SPTBN1: variants seen among roughly 807,000 people sequenced by gnomAD.
SPTBN1 encodes spectrin beta, non-erythrocytic 1.
SPTBN1 carries 32 observed loss-of-function variants against 266.4 expected under a neutral mutation model. The observed-to-expected ratio is 0.12, with a 90% CI of 0.09 to 0.16. The LOEUF (loss-of-function observed/expected upper bound fraction) is 0.16, where lower values mean the gene tolerates loss of function less well. Among genes scored for constraint, SPTBN1 ranks in the 10% least tolerant of loss-of-function variants. The pLI is 1.00. For missense variants in SPTBN1, 2,296 were observed against 3,067.1 expected (o/e 0.75, Z 5.94); for synonymous variants, 1,336 against 1,162.2 (o/e 1.15, Z -3.04).
intron 2 of SPTBN1, among the ~76,000 whole-genome samples, chr2:54,565,973 A>G (rs984017657): frequency 6.6e-6 from 1 of 152,166 alleles, no homozygotes; most frequent in African/African-American, 2.4e-5. Context: ...CTGGAAAATA[A>G]TGTGGACAGT....
At chr2:54,648,712 G>A (rs923753681) in intron 24 of SPTBN1, among the ~76,000 whole-genome samples, 14 of 152,192 alleles carry the variant, frequency 9.2e-5, no homozygotes, top group African/African-American at 3.4e-4. Context: ...ATTCACTGCA[G>A]CAGAATGAGG....
intron 26 of SPTBN1, 67 bp downstream of exon 26, chr2:54,650,056 G>GT: frequency 1.3e-6 from 2 of 1,524,514 alleles, no homozygotes; most frequent in Non-Finnish European, 1.8e-6. Flanking sequence ...TTGGGCATCT[G>GT]TAAGTATCTC....
At chr2:54,573,189 A>G (rs1674211313) in intron 2 of SPTBN1, among the ~76,000 whole-genome samples, 1 of 152,164 alleles carries the variant, frequency 6.6e-6, no homozygotes, top group African/African-American at 2.4e-5. Context: ...TGGAAGAGGA[A>G]AGTGATGCAC....
chr2:54,620,951 G>C (rs866462985), intron 7 of SPTBN1, among the ~76,000 whole-genome samples: 9 of 152,156 alleles, frequency 5.9e-5, no homozygotes, highest in African/African-American at 2.2e-4. Flanking sequence ...TTCAGGGCTG[G>C]TTATGTGACA....
rs767696985 is a variant in SPTBN1 at position 54,621,528 on chromosome 2, T to A, written c.876+16T>A. 1.9e-6 allele frequency: 3 copies of A among 1,600,360 alleles called. No homozygotes were observed. The South Asian group carries it at 3.3e-5, about 18-fold the overall frequency. ...AATTGGAAAGGTGAGCTGGTGCCAA[T>A]TTTGTGAGTTGTGAGACATAATTAA... On this transcript the variant is annotated intron_variant, in intron 8 of 35. Coordinates refer to ENST00000356805, the MANE Select transcript of SPTBN1 (RefSeq NM_003128.3).
intron 2 of SPTBN1, among the ~76,000 whole-genome samples, chr2:54,596,479 G>A (rs747105998): frequency 1.3e-5 from 2 of 152,188 alleles, no homozygotes; most frequent in African/African-American, 4.8e-5. Flanking sequence ...CCCCTCGTGT[G>A]TTATGAGGGT....
chr2:54,503,182 A>G (rs1669361959), intron 1 of SPTBN1, among the ~76,000 whole-genome samples: 1 of 152,228 alleles, frequency 6.6e-6, no homozygotes, highest in African/African-American at 2.4e-5. Context: ...GACACTGGTC[A>G]CTGGTGTCTC....
intron 3 of SPTBN1, 52 bp downstream of exon 3, chr2:54,599,295 G>A: frequency 6.3e-7 from 1 of 1,591,468 alleles, no homozygotes; most frequent in South Asian, 1.1e-5. Flanking sequence ...AAATATTTTT[G>A]AAAAATCAAG....
chr2:54,458,076 C>T (rs1693162229), intron 1 of SPTBN1, among the ~76,000 whole-genome samples: 1 of 152,234 alleles, frequency 6.6e-6, no homozygotes, highest in Non-Finnish European at 1.5e-5. Context: ...AACCACAACC[C>T]AGCTATGCAT....
chr2:54,525,897 A>G (rs535159733), intron 1 of SPTBN1, among the ~76,000 whole-genome samples: 116 of 152,244 alleles, frequency 7.6e-4, no homozygotes, highest in African/African-American at 2.7e-3. Flanking sequence ...ACGCCCAGCT[A>G]ATTTTTGTAT....
intron 2 of SPTBN1, among the ~76,000 whole-genome samples, chr2:54,544,324 G>C (rs1182703096): frequency 6.6e-6 from 1 of 152,114 alleles, no homozygotes; most frequent in Non-Finnish European, 1.5e-5. Context: ...GTAGGGCTCT[G>C]AATACTCTTT....
At chr2:54,572,518 C>T (rs1481404790) in intron 2 of SPTBN1, among the ~76,000 whole-genome samples, 1 of 152,178 alleles carries the variant, frequency 6.6e-6, no homozygotes, top group African/African-American at 2.4e-5. Context: ...GGCTGGGCTT[C>T]AGAAACTTAG....
intron 18 of SPTBN1, among the ~76,000 whole-genome samples, chr2:54,639,621 T>C (rs758654603): frequency 1.1e-4 from 16 of 152,212 alleles, no homozygotes; most frequent in Non-Finnish European, 2.2e-4. Flanking sequence ...TAAGTAGACA[T>C]GTATGGGAAA....
chr2:54,598,391 C>G (rs1409907359), intron 2 of SPTBN1, among the ~76,000 whole-genome samples: 1 of 152,130 alleles, frequency 6.6e-6, no homozygotes, highest in Non-Finnish European at 1.5e-5. Flanking sequence ...TGGGCCCAGA[C>G]CCTGCTTTCC....
intron 4 of SPTBN1, among the ~76,000 whole-genome samples, chr2:54,615,824 C>T (rs957140792): frequency 2.0e-5 from 3 of 152,174 alleles, no homozygotes; most frequent in African/African-American, 7.2e-5. Context: ...GAAGGTTGCA[C>T]GTGGTGTGAA....
At chr2:54,550,435 T>C (rs1360713998) in intron 2 of SPTBN1, among the ~76,000 whole-genome samples, 1 of 152,208 alleles carries the variant, frequency 6.6e-6, no homozygotes, top group Non-Finnish European at 1.5e-5. Context: ...TGTTGTTCCA[T>C]ATCTCTGCAA....
chr2:54,563,593 CTTTTTTTTT>C (rs750173696), intron 2 of SPTBN1, among the ~76,000 whole-genome samples: 2 of 64,440 alleles, frequency 3.1e-5, no homozygotes, highest in African/African-American at 6.5e-5. Flanking sequence ...AAAATTTATT[CTTTTTTTTT>C]TTTTTTTTTT....
chr2:54,647,012 C>G, intron 23 of SPTBN1, 119 bp from the exon 24 acceptor site: 2 of 1,468,072 alleles, frequency 1.4e-6, no homozygotes, highest in African/African-American at 2.8e-5. Flanking sequence ...TACTGCACCT[C>G]TGGAGTTTTT....
rs1671359477 is a variant in SPTBN1 at position 54,533,175 on chromosome 2, A to G, written c.148+6609A>G. On this transcript the variant is annotated intron_variant, in intron 2 of 35. Transcript: ENST00000356805. This position sits in a 1 kb window ranked among gnomAD's most constrained non-coding sequence, Gnocchi z 4.2. ...TCTGCTGGACAAAGGGATGATTCAC[A>G]TACCAGGCGGGATGGAGCGAGATGG... Among the ~76,000 whole-genome samples the G allele has an allele frequency of 6.6e-6, 1 of 152,178 alleles. No homozygotes were observed. The highest frequency in any genetic ancestry group is 2.4e-5 in the African/African-American group (1 of 41,426).
Sources: gnomAD v4.1 joint callset for allele counts (sites outside exome capture counted in the v4.1 genomes callset) on GRCh38, gnomAD v4.1.1 for gene constraint, Gnocchi (gnomAD v3.1) non-coding constraint, MANE v1.5 for transcripts, NCBI Gene and HGNC (gene_info 2026-07-23, HGNC 2026-07-21) for gene names.